The following TRHDE variants were observed in gnomAD, a reference collection of about 807,000 sequenced individuals.
The protein encoded by TRHDE is thyrotropin-releasing hormone-degrading ectoenzyme.
A neutral mutation model predicts 125.7 loss-of-function variants in TRHDE; 72 were observed. That is an observed-to-expected ratio of 0.57 (90% CI 0.47 to 0.70). The LOEUF is 0.70. TRHDE is among the 30% of genes least tolerant of loss of function. TRHDE has a pLI of 0.00. For missense variants in TRHDE, 1,110 were observed against 1,327.1 expected (o/e 0.84, Z 2.54); for synonymous variants, 509 against 509.1 (o/e 1.00, Z 0.00).
chr12:72,419,744 A>G (rs1873875328), intron 3 of TRHDE, among the ~76,000 whole-genome samples: 1 of 152,120 alleles, frequency 6.6e-6, no homozygotes, highest in African/African-American at 2.4e-5. Context: ...AGAAAAATAC[A>G]CTTACCTCCT....
At chr12:72,380,751 C>CA (rs1565720462) in intron 3 of TRHDE, among the ~76,000 whole-genome samples, 1 of 94,580 alleles carries the variant, frequency 1.1e-5, no homozygotes, top group African/African-American at 6.8e-5. Context: ...TCCTTCCTTC[C>CA]TTCCTTCCTT....
intron 12 of TRHDE, among the ~76,000 whole-genome samples, chr12:72,592,032 T>A (rs1871707505): frequency 6.6e-6 from 1 of 152,036 alleles, no homozygotes; most frequent in South Asian, 2.1e-4. Flanking sequence ...TTTCATTAAA[T>A]TTGAAAAAAA....
chr12:72,621,730 G>A lies in TRHDE; in HGVS notation c.2654G>A (p.Trp885Ter). The A allele has an allele frequency of 6.2e-7, 1 of 1,602,376 alleles. No homozygotes were observed. The highest frequency in any genetic ancestry group is 8.5e-7 in the Non-Finnish European group (1 of 1,176,084). Residue 885 changes from tryptophan to a stop codon, truncating the protein, a stop_gained, in exon 15 of 19, where the codon TGG (tryptophan) becomes TAG (stop). Coordinates refer to ENST00000261180, the MANE Select transcript of TRHDE (RefSeq NM_013381.3). LOFTEE classifies it high-confidence loss of function. ...HQQASTLISD[W>*]ISSNRNRIPL... is the part of the protein sequence containing the mutation. ...CAGGCATCAACACTTATTTCAGATT[G>A]GATTTCCAGCAACAGGAACAGGTAA...
At chr12:72,459,879 A>G (rs1011842333) in intron 3 of TRHDE, among the ~76,000 whole-genome samples, 2 of 152,118 alleles carry the variant, frequency 1.3e-5, no homozygotes, top group Non-Finnish European at 2.9e-5. Context: ...CGGCTTCTCA[A>G]TGTACTGGGA....
At chr12:72,181,675 T>G (rs1473147851) in intron 2 of TRHDE, among the ~76,000 whole-genome samples, 1 of 152,170 alleles carries the variant, frequency 6.6e-6, no homozygotes, top group Non-Finnish European at 1.5e-5. Flanking sequence ...AGCATGATTT[T>G]CATTGACTGG....
chr12:72,535,000 A>G (rs1868779572), intron 6 of TRHDE, among the ~76,000 whole-genome samples: 2 of 151,994 alleles, frequency 1.3e-5, no homozygotes, highest in African/African-American at 4.8e-5. Flanking sequence ...CTTTATTACT[A>G]CCACAGGACT....
chr12:72,130,470 G>A (rs1221288867), intron 2 of TRHDE, among the ~76,000 whole-genome samples: 1 of 152,138 alleles, frequency 6.6e-6, no homozygotes, highest in East Asian at 1.9e-4. Flanking sequence ...CAGTATAAGA[G>A]GGGAAAGGAT....
At chr12:72,252,838 T>G (rs1878715815) in intron 2 of TRHDE, among the ~76,000 whole-genome samples, 1 of 152,102 alleles carries the variant, frequency 6.6e-6, no homozygotes, top group Admixed American at 6.6e-5. Flanking sequence ...CAGCATCAGA[T>G]AGTATACATT....
At chr12:72,262,555 G>C (rs1878974356) in intron 2 of TRHDE, 1 of 152,164 alleles carries the variant, frequency 6.6e-6, no homozygotes, top group Non-Finnish European at 1.5e-5. Context: ...AGTTAGCATA[G>C]TGATAACACT....
intron 2 of TRHDE, among the ~76,000 whole-genome samples, chr12:72,219,435 C>T (rs1877959880): frequency 6.6e-6 from 1 of 152,078 alleles, no homozygotes; most frequent in East Asian, 1.9e-4. Flanking sequence ...TCAACTTGAT[C>T]ACCAAGAGGT....
chr12:72,208,090 C>G (rs1322281168), intron 2 of TRHDE, among the ~76,000 whole-genome samples: 1 of 152,142 alleles, frequency 6.6e-6, no homozygotes, highest in Non-Finnish European at 1.5e-5. Flanking sequence ...ATCGTTAAGT[C>G]TCATGGAGTT....
intron 2 of TRHDE, among the ~76,000 whole-genome samples, chr12:72,301,087 C>T (rs1469170981): frequency 2.6e-5 from 4 of 152,006 alleles, no homozygotes; most frequent in African/African-American, 9.7e-5. Context: ...ATGATCCTGT[C>T]GTATCAGTGA....
intron 2 of TRHDE, among the ~76,000 whole-genome samples, chr12:72,144,995 C>T (rs1039131231): frequency 6.6e-6 from 1 of 152,126 alleles, no homozygotes; most frequent in African/African-American, 2.4e-5. Context: ...GCCACGTCTA[C>T]TTGGAAGAGA....
At chr12:72,528,499 A>T (rs762785725) in intron 6 of TRHDE, among the ~76,000 whole-genome samples, 1 of 152,152 alleles carries the variant, frequency 6.6e-6, no homozygotes, top group Non-Finnish European at 1.5e-5. Context: ...GATTTTTTAC[A>T]AACAAATAGT....
Position 72,157,759 on chromosome 12 carries a change from G to C in TRHDE, n.279+52007G>C, listed in dbSNP as rs115992441. Among the ~76,000 whole-genome samples the C allele has an allele frequency of 7.9e-3, 1,207 of 152,272 alleles. 16 individuals carry two copies. The highest frequency in any genetic ancestry group is 0.027 in the African/African-American group (1,132 of 41,544). On this transcript the variant is annotated intron_variant and non_coding_transcript_variant, in intron 2 of 4. Coordinates refer to the TRHDE transcript ENST00000548156. The stretch of plus-strand genomic sequence containing the variant: ...CTGTGAAGATGTTGAATTGACTGTT[G>C]AATATACAAGCCTGGAACTCAGGGT...
At position 72,262,318 on chromosome 12, in the gene TRHDE, A is replaced by G. The variant is rs532289093; in HGVS notation, n.280-115677A>G. 3.9e-5 allele frequency among the ~76,000 whole-genome samples: 6 copies of G among 152,314 alleles called. No homozygotes were observed. In the East Asian group the frequency reaches 7.7e-4, roughly 20 times the overall value. On this transcript the variant is annotated intron_variant and non_coding_transcript_variant, in intron 2 of 4. Transcript: ENST00000548156. Reference sequence around the variant, plus strand: ...TGATTATTTGCATATCCTAGAGGGTATAGCTCCTGCTCTGAACATTTAAAA... The same window carrying G: ...TGATTATTTGCATATCCTAGAGGGTGTAGCTCCTGCTCTGAACATTTAAAA...
intron 12 of TRHDE, among the ~76,000 whole-genome samples, chr12:72,592,285 T>G (rs1769487323): frequency 6.6e-6 from 1 of 152,214 alleles, no homozygotes; most frequent in African/African-American, 2.4e-5. Context: ...CTCTTGAATT[T>G]CCATTTGGTT....
chr12:72,395,552 G>T (rs1872755321), intron 3 of TRHDE, among the ~76,000 whole-genome samples: 1 of 151,884 alleles, frequency 6.6e-6, no homozygotes, highest in Non-Finnish European at 1.5e-5. Context: ...CATATTTTCA[G>T]GATCATGACT....
chr12:72,212,331 C>G (rs1877799439), intron 2 of TRHDE, among the ~76,000 whole-genome samples: 1 of 150,752 alleles, frequency 6.6e-6, no homozygotes, highest in Non-Finnish European at 1.5e-5. Flanking sequence ...GATTTAATAC[C>G]AGAAGTACAA....
Sources: allele counts gnomAD v4.1 joint callset (sites outside exome capture counted in the v4.1 genomes callset), GRCh38; gene constraint gnomAD v4.1.1; transcripts MANE v1.5; gene names NCBI Gene and HGNC (gene_info 2026-07-23, HGNC 2026-07-21).